Variants in FBN2 observed in about 807,000 individuals in gnomAD.
The protein encoded by FBN2 is fibrillin 2.
FBN2 carries 105 observed loss-of-function variants against 355.6 expected under a neutral mutation model. The ratio of observed to expected loss-of-function variants is 0.30; its 90% confidence interval spans 0.25 to 0.35. FBN2 has a LOEUF of 0.35. FBN2 is among the 10% of genes least tolerant of loss of function. The pLI, the probability that FBN2 is intolerant of heterozygous loss-of-function variation, is 1.00. For missense variants in FBN2, 3,280 were observed against 3,758.7 expected (o/e 0.87, Z 3.33); for synonymous variants, 1,350 against 1,301.2 (o/e 1.04, Z -0.81).
At chr5:128,396,544 A>G (rs996119611) in intron 8 of FBN2, among the ~76,000 whole-genome samples, 2 of 152,248 alleles carry the variant, frequency 1.3e-5, no homozygotes, top group African/African-American at 4.8e-5. Flanking sequence ...AGGAAGTGAC[A>G]TGATCAAATA....
At chr5:128,312,857 G>A (rs1276398622) in intron 36 of FBN2, 62 bp from the exon 37 acceptor site, 32 of 1,573,384 alleles carry the variant, frequency 2.0e-5, no homozygotes, top group South Asian at 7.8e-5. Flanking sequence ...TCCATTTTAG[G>A]GAAAAGTCAC....
At chr5:128,434,230 G>A (rs576625459) in intron 7 of FBN2, among the ~76,000 whole-genome samples, 50 of 151,464 alleles carry the variant, frequency 3.3e-4, no homozygotes, top group African/African-American at 1.2e-3. Context: ...AGGGGATTTA[G>A]TCTGGGATTA....
chr5:128,310,103 C>T lies in FBN2; in HGVS notation c.5080G>A (p.Asp1694Asn), dbSNP rs148303505. 6.2e-7 allele frequency: 1 copy of T among 1,611,632 alleles called. No homozygotes were observed. Among genetic ancestry groups the T allele is most frequent in the Non-Finnish European group, 8.5e-7 (1 of 1,178,134 alleles). Reference protein sequence around the residue: ...SEDTRICEDIDECFAHPGVCG... With the variant: ...SEDTRICEDINECFAHPGVCG... ...ACACCAGGATGTGCAAAACACTCATCAATATCTAGAGTAGGCAAGAATATC... is the reference window on the plus strand; with the variant it reads ...ACACCAGGATGTGCAAAACACTCATTAATATCTAGAGTAGGCAAGAATATC... The change falls in exon 40 of 65, where the codon GAT becomes AAT. Residue 1694 changes from aspartate (D) to asparagine (N), a missense_variant. Asp to Asn is a conservative substitution (Grantham distance 23). This residue lies in a region of FBN2 where 2,284 missense variants were observed against 2,749.5 expected (regional missense o/e 0.83). Coordinates refer to ENST00000262464, the MANE Select transcript of FBN2 (RefSeq NM_001999.4).
At chr5:128,293,687 T>C (rs535982855) in intron 48 of FBN2, among the ~76,000 whole-genome samples, 104 of 152,238 alleles carry the variant, frequency 6.8e-4, no homozygotes, top group African/African-American at 2.4e-3. Flanking sequence ...AGGAGGCATA[T>C]GTATTTCTAT....
At chr5:128,281,236 G>C (rs1765536190) in intron 55 of FBN2, among the ~76,000 whole-genome samples, 1 of 152,106 alleles carries the variant, frequency 6.6e-6, no homozygotes, top group South Asian at 2.1e-4. Flanking sequence ...TATCTGTCAT[G>C]ATTACTGATA....
chr5:128,376,918 T>C, intron 13 of FBN2, 65 bp from the exon 14 acceptor site: 2 of 1,593,646 alleles, frequency 1.3e-6, no homozygotes, highest in Non-Finnish European at 1.7e-6. Flanking sequence ...TCTTCTTCCA[T>C]AAACAACCCC....
intron 36 of FBN2, among the ~76,000 whole-genome samples, chr5:128,315,827 G>C (rs929495838): frequency 1.3e-5 from 2 of 152,158 alleles, no homozygotes; most frequent in African/African-American, 4.8e-5. Context: ...TGAGAATACT[G>C]TATTTCCTTT....
At position 128,263,435 on chromosome 5, in the gene FBN2, C is replaced by G. The variant is rs758290734; in HGVS notation, c.8182G>C (p.Val2728Leu). Residue 2728 changes from valine (V) to leucine (L), a missense_variant, in exon 63 of 65, where the codon GTG (valine) becomes CTG (leucine). By Grantham distance (32) the Val-to-Leu change is conservative. Around this residue, in one of 6 missense-constraint regions of FBN2, gnomAD observed 311 missense variants for 319.1 expected, o/e 0.97. Coordinates refer to ENST00000262464, the MANE Select transcript of FBN2 (RefSeq NM_001999.4). The stretch of plus-strand genomic sequence containing the variant: ...TGAAGGCCGCCTTACCCTTGTCCCA[C>G]TCTGTAATACCCAGGGGGGCAGCCA... ...LCGCPPGYYR[V>L]GQGHCVSGMG... 1.2e-6 allele frequency: 2 copies of G among 1,613,444 alleles called. No homozygotes were observed. The highest frequency in any genetic ancestry group is 1.7e-6 in the Non-Finnish European group (2 of 1,179,362).
At chr5:128,532,951 T>A (rs893398046) in intron 2 of FBN2, among the ~76,000 whole-genome samples, 1 of 152,162 alleles carries the variant, frequency 6.6e-6, no homozygotes, top group African/African-American at 2.4e-5. Context: ...GAGGTCAGAA[T>A]GCAGCTTGAG....
chr5:128,312,650 G>T lies in FBN2; in HGVS notation c.4863C>A (p.Cys1621Ter). The change falls in exon 37 of 65, where the codon TGC becomes TGA. Residue 1621 changes from cysteine to a stop codon, truncating the protein, a stop_gained. Transcript: ENST00000262464. LOFTEE classifies it high-confidence loss of function. ...GKAWGNPCETCPPVNSTEYYT... is the reference protein window; with the variant it reads ...GKAWGNPCET ...TGTACTTACTGCTATTGACAGGGGG[G>T]CATGTCTCACAGGGGTTTCCCCAGG... 6.2e-7 allele frequency: 1 copy of T among 1,613,870 alleles called. No individual in the cohort carries two copies. Among genetic ancestry groups the T allele is most frequent in the Non-Finnish European group, 8.5e-7 (1 of 1,179,992 alleles).
chr5:128,299,755 A>C (rs2126832569), intron 48 of FBN2, among the ~76,000 whole-genome samples: 1 of 152,262 alleles, frequency 6.6e-6, no homozygotes, highest in African/African-American at 2.4e-5. Context: ...CCAGCACCTC[A>C]GATGGAAATG....
At chr5:128,446,674 A>G in intron 6 of FBN2, 68 bp from the exon 7 acceptor site, 1 of 1,541,784 alleles carries the variant, frequency 6.5e-7, no homozygotes, top group Non-Finnish European at 8.9e-7. Context: ...TTTTTTTACT[A>G]TAAAAACTTT....
chr5:128,500,427 ATTCTT>A (rs1581351498), intron 5 of FBN2, among the ~76,000 whole-genome samples: 3 of 107,544 alleles, frequency 2.8e-5, no homozygotes, highest in East Asian at 4.6e-4. Flanking sequence ...GACTCTGACA[ATTCTT>A]TTTTTTTTTT....
intron 15 of FBN2, among the ~76,000 whole-genome samples, chr5:128,370,652 C>A (rs1005458847): frequency 6.6e-6 from 1 of 152,100 alleles, no homozygotes; most frequent in African/African-American, 2.4e-5. Flanking sequence ...TTTGTGAGTT[C>A]TTTGGACATT....
chr5:128,454,311 C>A (rs1453274015), intron 6 of FBN2, among the ~76,000 whole-genome samples: 1 of 152,060 alleles, frequency 6.6e-6, no homozygotes, highest in African/African-American at 2.4e-5. Flanking sequence ...GAGGAATATT[C>A]TGTTATCTTT....
intron 7 of FBN2, among the ~76,000 whole-genome samples, chr5:128,426,116 T>G (rs1390948201): frequency 6.6e-6 from 1 of 152,166 alleles, no homozygotes; most frequent in Admixed American, 6.5e-5. Context: ...AGCCATTCAC[T>G]GGCATTCTCT....
intron 62 of FBN2, among the ~76,000 whole-genome samples, chr5:128,266,640 A>T (rs1280840931): frequency 1.3e-5 from 2 of 152,124 alleles, no homozygotes; most frequent in Non-Finnish European, 1.5e-5. Flanking sequence ...AACACTTTGA[A>T]ATTAAATTGG....
At position 128,464,784 on chromosome 5, in the gene FBN2, C is replaced by T. The variant is rs1452021223; in HGVS notation, c.766G>A (p.Ala256Thr). Residue 256 changes from alanine to threonine, a missense_variant, in exon 6 of 65, where the codon GCC becomes ACC. Around this residue, in one of 6 missense-constraint regions of FBN2, gnomAD observed 343 missense variants for 331.0 expected, o/e 1.04. Coordinates refer to ENST00000262464, the MANE Select transcript of FBN2 (RefSeq NM_001999.4). Reference sequence around the variant, plus strand: ...CCCCGTCGGCAGGGCTGAGGCTGGGCTGGACACATCTCACAGGGATGGCCC... The same window carrying T: ...CCCCGTCGGCAGGGCTGAGGCTGGGTTGGACACATCTCACAGGGATGGCCC... ...AWGHPCEMCP[A>T]QPQPCRRGFI... 6.2e-7 allele frequency: 1 copy of T among 1,614,192 alleles called. No homozygotes were observed. Among genetic ancestry groups the T allele is most frequent in the Admixed American group, 1.7e-5 (1 of 60,030 alleles).
chr5:128,382,104 C>T (rs331077), intron 11 of FBN2, among the ~76,000 whole-genome samples: 52,622 of 151,770 alleles, frequency 0.35, 9,465 homozygotes, highest in Non-Finnish European at 0.41. Context: ...TAATGAAACA[C>T]ATGTGTGTTA....
Sources: allele counts gnomAD v4.1 joint callset (sites outside exome capture counted in the v4.1 genomes callset), GRCh38; gene constraint gnomAD v4.1.1; regional missense constraint gnomAD v4.1.1; transcripts MANE v1.5; gene names NCBI Gene and HGNC (gene_info 2026-07-23, HGNC 2026-07-21).